UBA2: variants seen among roughly 807,000 people sequenced by gnomAD.
The protein encoded by UBA2 is ubiquitin like modifier activating enzyme 2.
UBA2 carries 11 observed loss-of-function variants against 77.2 expected under a neutral mutation model. That is an observed-to-expected ratio of 0.14 (90% confidence interval 0.09 to 0.24). The LOEUF (loss-of-function observed/expected upper bound fraction) is 0.24. Among genes scored for constraint, UBA2 ranks in the 10% least tolerant of loss-of-function variants. The pLI, the probability that UBA2 is intolerant of heterozygous loss-of-function variation, is 1.00. For synonymous variants in UBA2, 278 were observed against 276.7 expected (o/e 1.00, Z -0.05); for missense variants, 487 against 781.7 (o/e 0.62, Z 4.50).
Position 34,470,091 on chromosome 19 carries a change from C to CAA in UBA2, c.*870_*871insAA, listed in dbSNP as rs1276791518. The CAA allele has an allele frequency of 1.9e-5, 1 of 53,964 alleles. No individual in the cohort carries two copies. The allele number at this position is 53,964 out of a possible 1,614,324, so 3.3% of individuals were successfully genotyped here. On this transcript the variant is annotated 3_prime_UTR_variant, in exon 17 of 17. Coordinates refer to ENST00000246548, the MANE Select transcript of UBA2 (RefSeq NM_005499.3). ...TCAACATGGTGAAACCCCATCTCTA[C>CAA]TAAAAAAAAAAAAAAAAATTAGCCG...
At chr19:34,435,103 A>G in intron 5 of UBA2, 135 bp downstream of exon 5, 1 of 654,102 alleles carries the variant, frequency 1.5e-6, no homozygotes, top group Non-Finnish European at 2.6e-6. Context: ...CTTATATAAA[A>G]CTTAAAATGC....
At chr19:34,443,784 A>G in intron 6 of UBA2, 60 bp from the exon 7 acceptor site, 1 of 1,132,332 alleles carries the variant, frequency 8.8e-7, no homozygotes, top group South Asian at 1.2e-5. Context: ...AATATTCTAA[A>G]TTACATGTTT....
At chr19:34,460,692 G>A (rs2075621645) in intron 14 of UBA2, 126 bp downstream of exon 14, 2 of 664,194 alleles carry the variant, frequency 3.0e-6, no homozygotes. Context: ...GGTCATGAAG[G>A]TGCTCTTTCA....
chr19:34,441,090 A>G (rs190414638), intron 6 of UBA2, among the ~76,000 whole-genome samples: 2 of 152,196 alleles, frequency 1.3e-5, no homozygotes, highest in Non-Finnish European at 2.9e-5. Context: ...TAGTTTTCAT[A>G]GATACAGAGA....
intron 8 of UBA2, among the ~76,000 whole-genome samples, chr19:34,445,885 C>T (rs117953894): frequency 2.0e-5 from 3 of 152,114 alleles, no homozygotes; most frequent in African/African-American, 7.2e-5. Context: ...TTAAATATTT[C>T]TAGAGAAATC....
intron 12 of UBA2, among the ~76,000 whole-genome samples, chr19:34,458,062 G>A (rs2075587538): frequency 6.6e-6 from 1 of 152,144 alleles, no homozygotes; most frequent in African/African-American, 2.4e-5. Context: ...TAATGTGTTG[G>A]TCTTGTCAGG....
chr19:34,466,730 A>AT (rs887427740), intron 15 of UBA2, 148 bp from the exon 16 acceptor site: 535 of 596,268 alleles, frequency 9.0e-4, no homozygotes, highest in Non-Finnish European at 1.0e-3. Flanking sequence ...CCTATCTCTC[A>AT]TTTTTTTTTA....
chr19:34,433,668 G>C (rs1292640433), intron 4 of UBA2, among the ~76,000 whole-genome samples: 1 of 152,130 alleles, frequency 6.6e-6, no homozygotes, highest in Non-Finnish European at 1.5e-5. Context: ...CTCTCAAAAA[G>C]TGTGACTGTG....
At chr19:34,437,991 A>G (rs1599894948) in intron 5 of UBA2, among the ~76,000 whole-genome samples, 1 of 152,086 alleles carries the variant, frequency 6.6e-6, no homozygotes, top group Admixed American at 6.5e-5. Context: ...GGAGGCGGAG[A>G]TTGCAGCCAA....
At chr19:34,468,923 C>A in intron 16 of UBA2, 117 bp from the exon 17 acceptor site, 3 of 718,310 alleles carry the variant, frequency 4.2e-6, no homozygotes, top group Admixed American at 3.8e-5. Flanking sequence ...AAAATGCAGC[C>A]ATTCTTAAGT....
In UBA2 at chr19:34,438,651, A is replaced by G; in HGVS notation, c.466A>G (p.Thr156Ala). ...GQVTTIKKGV[T>A]ECYECHPKPT... The stretch of plus-strand genomic sequence containing the variant: ...TCATATCCTGACTTCATAGGGTGTG[A>G]CCGAGTGTTATGAGTGTCATCCTAA... The change falls in exon 6 of 17, where the codon ACC becomes GCC. Residue 156 changes from threonine (T) to alanine (A), a missense_variant. By Grantham distance (58) the Thr-to-Ala change is moderately conservative (BLOSUM62 0). Coordinates refer to ENST00000246548, the MANE Select transcript of UBA2 (RefSeq NM_005499.3). The G allele has an allele frequency of 6.2e-7, 1 of 1,614,118 alleles. No homozygotes were observed. Among genetic ancestry groups the G allele is most frequent in the Non-Finnish European group, 8.5e-7 (1 of 1,180,018 alleles).
At chr19:34,460,599 T>C (rs2075620592) in intron 14 of UBA2, 33 bp downstream of exon 14, 1 of 1,433,496 alleles carries the variant, frequency 7.0e-7, no homozygotes, top group South Asian at 1.2e-5. Flanking sequence ...ATTCCTCTCA[T>C]TGAGGAGACT....
intron 1 of UBA2, chr19:34,430,320 A>G (rs775002456): frequency 5.9e-6 from 2 of 340,708 alleles, no homozygotes; most frequent in Non-Finnish European, 1.1e-5. Context: ...AATATTTTCC[A>G]GGATGATTAA....
intron 6 of UBA2, among the ~76,000 whole-genome samples, chr19:34,440,417 T>C (rs2145507972): frequency 6.6e-6 from 1 of 152,328 alleles, no homozygotes; most frequent in East Asian, 1.9e-4. Context: ...ACCTATGTTA[T>C]TTTTACAGAT....
At chr19:34,455,069 G>A (rs2075543333) in intron 12 of UBA2, among the ~76,000 whole-genome samples, 3 of 152,158 alleles carry the variant, frequency 2.0e-5, no homozygotes, top group Non-Finnish European at 4.4e-5. Flanking sequence ...TATTAGAATT[G>A]TGTCTGGTAA....
At chr19:34,438,593 G>A in intron 5 of UBA2, 52 bp from the exon 6 acceptor site, 1 of 1,605,892 alleles carries the variant, frequency 6.2e-7, no homozygotes, top group Non-Finnish European at 8.5e-7. Flanking sequence ...ACCTTATAAT[G>A]TTGAGAAACT....
Position 34,436,132 on chromosome 19 carries a change from C to A in UBA2, c.459+1164C>A, listed in dbSNP as rs537646387. The stretch of plus-strand genomic sequence containing the variant: ...AAACTCTGTCTCAAAAAAAAAAAAA[C>A]CAAAAAATTCTGTTGTCTAAGAGTC... On this transcript the variant is annotated intron_variant, in intron 5 of 16. Transcript: ENST00000246548. Among the ~76,000 whole-genome samples, 314 of 148,888 alleles carry A rather than the reference C, an allele frequency of 2.1e-3. 2 individuals carry two copies. Among genetic ancestry groups the A allele is most frequent in the African/African-American group, 7.6e-3 (307 of 40,642 alleles).
chr19:34,437,019 G>A (rs532507298), intron 5 of UBA2, among the ~76,000 whole-genome samples: 2 of 152,268 alleles, frequency 1.3e-5, no homozygotes, highest in East Asian at 3.9e-4. Context: ...AAGCATATTG[G>A]AAGGCTGAGG....
At chr19:34,429,090 T>C in intron 1 of UBA2, 1 of 983,734 alleles carries the variant, frequency 1.0e-6, no homozygotes, top group Non-Finnish European at 1.2e-6. Context: ...GTGCAAACGC[T>C]ATTTCCACCC....
Sources: gnomAD v4.1 joint callset for allele counts (sites outside exome capture counted in the v4.1 genomes callset) on GRCh38, gnomAD v4.1.1 for gene constraint, MANE v1.5 for transcripts, NCBI Gene and HGNC (gene_info 2026-07-23, HGNC 2026-07-21) for gene names.